Variants in ZC3H12B observed in about 807,000 individuals in gnomAD.
ZC3H12B encodes probable ribonuclease ZC3H12B.
Under a neutral mutation model 43.9 loss-of-function variants are expected in ZC3H12B, and 7 were observed. The ratio of observed to expected loss-of-function variants is 0.16; its 90% CI spans 0.09 to 0.30. ZC3H12B has a LOEUF of 0.30. Ranked by LOEUF, ZC3H12B falls within the 10% of genes least tolerant of loss-of-function variation. ZC3H12B has a pLI of 1.00. For missense variants in ZC3H12B, 475 were observed against 670.2 expected (o/e 0.71, Z 3.22); for synonymous variants, 222 against 241.7 (o/e 0.92, Z 0.76).
intron 3 of ZC3H12B, among the ~76,000 whole-genome samples, chrX:65,479,944 T>G (rs932617789): frequency 6.2e-5 from 7 of 112,645 alleles, no homozygotes; most frequent in Non-Finnish European, 1.3e-4. Context: ...CCTATGTAAA[T>G]GAAGAGGATG....
At chrX:65,161,585 C>G in the ZC3H12B span, among the ~76,000 whole-genome samples, 2 of 111,090 alleles carry the variant, frequency 1.8e-5, no homozygotes, top group Non-Finnish European at 3.8e-5. Context: ...GGATTGCAAC[C>G]CCTGCCTTTT....
At chrX:65,457,572 C>T (rs1236364112) in intron 3 of ZC3H12B, among the ~76,000 whole-genome samples, 12 of 83,629 alleles carry the variant, frequency 1.4e-4, no homozygotes, top group Non-Finnish European at 2.0e-4. Context: ...GTGTGCCCAG[C>T]GGCTCACTGG....
At chrX:65,489,757 C>T (rs1357222522) in intron 1 of ZC3H12B, among the ~76,000 whole-genome samples, 6 of 111,947 alleles carry the variant, frequency 5.4e-5, no homozygotes, top group Non-Finnish European at 1.1e-4. Context: ...TTGGGGTTTA[C>T]TTAGGAACTT....
At chrX:65,123,917 A>G in the ZC3H12B span, among the ~76,000 whole-genome samples, 1 of 110,378 alleles carries the variant, frequency 9.1e-6, no homozygotes, top group Admixed American at 9.7e-5. Flanking sequence ...TTCTAAGTGT[A>G]TGATTATATC....
At chrX:65,057,288 A>G in the ZC3H12B span, among the ~76,000 whole-genome samples, 1 of 111,517 alleles carries the variant, frequency 9.0e-6, no homozygotes, top group Non-Finnish European at 1.9e-5. Flanking sequence ...GGTGGTGACA[A>G]AATCTCTCAG....
At chrX:65,148,501 C>A in the ZC3H12B span, among the ~76,000 whole-genome samples, 3 of 111,043 alleles carry the variant, frequency 2.7e-5, no homozygotes, top group Non-Finnish European at 5.7e-5. Flanking sequence ...CGTCTGGAGA[C>A]CAGGTTGGGC....
the ZC3H12B span, among the ~76,000 whole-genome samples, chrX:65,057,635 G>A: frequency 1.5e-4 from 17 of 111,661 alleles, no homozygotes; most frequent in African/African-American, 5.5e-4. Context: ...GGCCTGCCTT[G>A]CTAGATTGGG....
chrX:65,344,837 AATCT>A, the ZC3H12B span, among the ~76,000 whole-genome samples: 1 of 112,523 alleles, frequency 8.9e-6, no homozygotes, highest in Admixed American at 9.4e-5. Context: ...TAATATCCAG[AATCT>A]ATCAGAAACA....
At chrX:65,037,137 T>A in the ZC3H12B span, among the ~76,000 whole-genome samples, 1 of 110,738 alleles carries the variant, frequency 9.0e-6, no homozygotes, top group African/African-American at 3.3e-5. Context: ...AAATTACCGA[T>A]GGGTAAATTG....
intron 1 of ZC3H12B, 102 bp from the exon 7 acceptor site, chrX:65,497,030 A>G (rs1459216940): frequency 8.4e-6 from 5 of 594,072 alleles, no homozygotes; most frequent in Non-Finnish European, 1.2e-5. Flanking sequence ...AAGAATGTAA[A>G]TGTCTATTAT....
the ZC3H12B span, among the ~76,000 whole-genome samples, chrX:65,361,100 T>C: frequency 8.9e-6 from 1 of 112,318 alleles, no homozygotes; most frequent in Non-Finnish European, 1.9e-5. Flanking sequence ...TATGAAACTA[T>C]ATTTTCTGAA....
At chrX:65,443,753 T>G (rs954005266) in intron 3 of ZC3H12B, among the ~76,000 whole-genome samples, 2 of 112,585 alleles carry the variant, frequency 1.8e-5, no homozygotes, top group African/African-American at 3.2e-5. Flanking sequence ...TTGGGTGTTA[T>G]GGCCATTATG....
At chrX:65,250,252 C>A in the ZC3H12B span, among the ~76,000 whole-genome samples, 18 of 111,600 alleles carry the variant, frequency 1.6e-4, no homozygotes, top group African/African-American at 5.2e-4. Flanking sequence ...CATGTCCCTA[C>A]AAAGGAAATG....
the ZC3H12B span, among the ~76,000 whole-genome samples, chrX:65,196,718 G>T: frequency 9.0e-6 from 1 of 111,125 alleles, no homozygotes; most frequent in African/African-American, 3.3e-5. Context: ...ACACACAAGA[G>T]CCTAAAAAGG....
chrX:65,097,292 G>T, the ZC3H12B span, among the ~76,000 whole-genome samples: 1 of 111,739 alleles, frequency 8.9e-6, no homozygotes, highest in Non-Finnish European at 1.9e-5. Context: ...ACCAAAAGAG[G>T]TTAATTTGGC....
intron 3 of ZC3H12B, among the ~76,000 whole-genome samples, chrX:65,457,380 C>T (rs1416862415): frequency 1.1e-4 from 6 of 55,974 alleles, no homozygotes; most frequent in Non-Finnish European, 1.4e-4. Flanking sequence ...TCTGCCCGGC[C>T]GCCCCTACTG....
chrX:65,194,015 G>T, the ZC3H12B span, among the ~76,000 whole-genome samples: 2 of 110,125 alleles, frequency 1.8e-5, no homozygotes, highest in East Asian at 5.8e-4. Flanking sequence ...AGGAAGAAGG[G>T]TGGAGTTGTC....
the ZC3H12B span, among the ~76,000 whole-genome samples, chrX:65,122,465 A>T: frequency 9.0e-6 from 1 of 111,296 alleles, no homozygotes; most frequent in Non-Finnish European, 1.9e-5. Flanking sequence ...GCTAGGAGGA[A>T]ACTGCATCAA....
the ZC3H12B span, among the ~76,000 whole-genome samples, chrX:65,234,674 G>T: frequency 8.9e-6 from 1 of 112,410 alleles, no homozygotes; most frequent in Admixed American, 9.4e-5. Context: ...AACCAGTAAA[G>T]TTGCAGTATA....
Sources: allele counts gnomAD v4.1 joint callset (sites outside exome capture counted in the v4.1 genomes callset), GRCh38; gene constraint gnomAD v4.1.1; transcripts MANE v1.5; gene names NCBI Gene and HGNC (gene_info 2026-07-23, HGNC 2026-07-21).